The following ARHGAP5 variants were observed in gnomAD, a reference collection of about 807,000 sequenced individuals.
ARHGAP5 encodes the protein rho GTPase-activating protein 5.
ARHGAP5 carries 23 observed loss-of-function variants against 116.6 expected under a neutral mutation model. That is an observed-to-expected ratio of 0.20 (90% CI 0.14 to 0.28). The LOEUF is 0.28. Ranked by LOEUF, ARHGAP5 falls within the 10% of genes least tolerant of loss-of-function variation. The pLI, the probability that ARHGAP5 is intolerant of heterozygous loss-of-function variation, is 1.00. For missense variants in ARHGAP5, 1,405 were observed against 1,774.8 expected, an observed-to-expected ratio of 0.79 and a Z score of 3.74; for synonymous variants, 574 against 602.0, an observed-to-expected ratio of 0.95 and a Z score of 0.68.
rs569145329 is a variant in ARHGAP5, at chr14:32,102,688, A to G, written c.3717+8302A>G. The stretch of plus-strand genomic sequence containing the variant: ...TGCAGGCAAGATTTGTATCTTGTTT[A>G]TAGTTGATCTCCATGGCCTAGCACA... On this transcript the variant is annotated intron_variant, in intron 2 of 6. Coordinates refer to ENST00000345122, the MANE Select transcript of ARHGAP5 (RefSeq NM_001030055.2). 2.6e-5 allele frequency among the ~76,000 whole-genome samples: 4 copies of G among 152,370 alleles called. No homozygotes were observed. The South Asian group carries it at 6.2e-4, about 24-fold the overall frequency.
chr14:32,105,487 T>TAA (rs1566667191), intron 2 of ARHGAP5, among the ~76,000 whole-genome samples: 54 of 151,442 alleles, frequency 3.6e-4, no homozygotes, highest in African/African-American at 1.3e-3. Context: ...GTTTTTTTTT[T>TAA]TAAAAAAAAG....
chr14:32,146,338 A>T lies in ARHGAP5; in HGVS notation c.3941A>T (p.Gln1314Leu). Reference sequence around the variant, plus strand: ...GACAATATTCAAAAGCAGTTTGATCAAGGTAAGAAGATGATTATGTGAAAT... The same window carrying T: ...GACAATATTCAAAAGCAGTTTGATCTAGGTAAGAAGATGATTATGTGAAAT... ...DQDNIQKQFD[Q>L]DHNINLVSME... Residue 1314 changes from glutamine (Q) to leucine (L), a missense_variant and splice_region_variant, in exon 4 of 7, where the codon CAA becomes CTA. Around this residue, in one of 6 missense-constraint regions of ARHGAP5, gnomAD observed 176 missense variants for 221.2 expected, o/e 0.80. Coordinates refer to ENST00000345122, the MANE Select transcript of ARHGAP5 (RefSeq NM_001030055.2). 1 of 1,604,924 alleles carries T rather than the reference A, an allele frequency of 6.2e-7. No individual in the cohort carries two copies. Among genetic ancestry groups the T allele is most frequent in the Non-Finnish European group, 8.5e-7 (1 of 1,171,844 alleles).
intron 3 of ARHGAP5, among the ~76,000 whole-genome samples, chr14:32,131,026 T>C (rs1227620539): frequency 6.6e-6 from 1 of 152,164 alleles, no homozygotes; most frequent in African/African-American, 2.4e-5. Flanking sequence ...ACACTTCACC[T>C]CCAAGTCATT....
chr14:32,078,929 A>C (rs148050156), intron 1 of ARHGAP5, among the ~76,000 whole-genome samples: 1 of 152,204 alleles, frequency 6.6e-6, no homozygotes, highest in Admixed American at 6.5e-5. Context: ...GTAACCTACT[A>C]GATAGTTTCT....
In ARHGAP5 at chr14:32,092,303, A is replaced by G; in HGVS notation, c.1634A>G (p.His545Arg). Reference protein sequence around the residue: ...APDRESLLLKHIGFVYHPTKE... With the variant: ...APDRESLLLKRIGFVYHPTKE... ...GATAGGGAATCCCTTCTACTTAAGC[A>G]TATAGGATTTGTTTATCATCCCACT... The change falls in exon 2 of 7, where the codon CAT becomes CGT. Residue 545 changes from histidine (H) to arginine (R), a missense_variant. Physicochemically the swap from His to Arg is conservative, Grantham distance 29. This residue lies in a region of ARHGAP5 where 944 missense variants were observed against 1,095.3 expected (regional missense o/e 0.86). Transcript: ENST00000345122. This position sits in a 1 kb window ranked among gnomAD's most constrained non-coding sequence, Gnocchi z 4.1. 6.2e-7 allele frequency: 1 copy of G among 1,613,852 alleles called. No individual in the cohort carries two copies. The highest frequency in any genetic ancestry group is 1.1e-5 in the South Asian group (1 of 91,042).
chr14:32,083,221 A>G (rs1437479239), intron 1 of ARHGAP5, among the ~76,000 whole-genome samples: 2 of 152,228 alleles, frequency 1.3e-5, no homozygotes, highest in African/African-American at 2.4e-5. Context: ...CCTACTCTCT[A>G]TTTTTGTAAA....
rs753166700 is a variant in ARHGAP5 at position 32,092,447 on chromosome 14, T to G, written c.1778T>G (p.Ile593Arg). ...RLRLYHDSTN[I>R]DKVNLFILGK... ...AGATTATATCACGATAGTACCAATATAGATAAAGTTAACCTTTTTATTTTA... is the reference window on the plus strand; with the variant it reads ...AGATTATATCACGATAGTACCAATAGAGATAAAGTTAACCTTTTTATTTTA... The change falls in exon 2 of 7, where the codon ATA (isoleucine) becomes AGA (arginine). Residue 593 changes from isoleucine (I) to arginine (R), a missense_variant. Ile to Arg is a moderately conservative substitution (Grantham distance 97). Coordinates refer to ENST00000345122, the MANE Select transcript of ARHGAP5 (RefSeq NM_001030055.2). This position sits in a 1 kb window ranked among gnomAD's most constrained non-coding sequence, Gnocchi z 4.1. 2 of 1,613,842 alleles carry G rather than the reference T, an allele frequency of 1.2e-6. No homozygotes were observed. The highest frequency in any genetic ancestry group is 1.7e-5 in the Admixed American group (1 of 59,982).
Position 32,144,091 on chromosome 14 carries a change from G to A in ARHGAP5, c.3866-2172G>A, listed in dbSNP as rs868239680. Among the ~76,000 whole-genome samples the A allele has an allele frequency of 2.0e-5, 3 of 152,164 alleles. No homozygotes were observed. The South Asian group carries it at 6.2e-4, about 31-fold the overall frequency. On this transcript the variant is annotated intron_variant, in intron 3 of 6. Coordinates refer to ENST00000345122, the MANE Select transcript of ARHGAP5 (RefSeq NM_001030055.2). ...ATGACTTTTACTGAGTAGTAATAGAGCTATAGATAAAGTACTACAGGAGTG... is the reference window on the plus strand; with the variant it reads ...ATGACTTTTACTGAGTAGTAATAGAACTATAGATAAAGTACTACAGGAGTG...
Position 32,158,845 on chromosome 14 carries a change from C to T in ARHGAP5, c.*3897C>T, listed in dbSNP as rs1396075056. 6.6e-6 allele frequency: 1 copy of T among 152,056 alleles called. No individual in the cohort carries two copies. The highest frequency in any genetic ancestry group is 1.5e-5 in the Non-Finnish European group (1 of 67,912). The allele number at this position is 152,056 out of a possible 1,614,324, so 9.4% of individuals were successfully genotyped here. On this transcript the variant is annotated 3_prime_UTR_variant, in exon 7 of 7. Transcript: ENST00000345122. ...TACAAGCATTAATCTCATATTCCAA[C>T]ATCCAGTTACTTGATGTGATCCAAG...
intron 1 of ARHGAP5, among the ~76,000 whole-genome samples, chr14:32,085,112 C>T (rs1418793771): frequency 6.6e-6 from 1 of 152,100 alleles, no homozygotes; most frequent in African/African-American, 2.4e-5. Flanking sequence ...GATTTCTTCT[C>T]ACTTTTCACA....
rs1473221853 is a variant in ARHGAP5 at position 32,093,041 on chromosome 14, G to T, written c.2372G>T (p.Ser791Ile). The change falls in exon 2 of 7, where the codon AGT becomes ATT. Residue 791 changes from serine to isoleucine, a missense_variant. By Grantham distance (142) the Ser-to-Ile change is moderately radical. This residue lies in a region of ARHGAP5 where 944 missense variants were observed against 1,095.3 expected (regional missense o/e 0.86). Transcript: ENST00000345122. ...TGCGCCATGTGTGGAGATCCATTTAGTGTGGATCTTATTCTTTCACCCTTC... is the reference window on the plus strand; with the variant it reads ...TGCGCCATGTGTGGAGATCCATTTATTGTGGATCTTATTCTTTCACCCTTC... ...VMCAMCGDPF[S>I]VDLILSPFLD... 1 of 1,613,894 alleles carries T rather than the reference G, an allele frequency of 6.2e-7. No individual in the cohort carries two copies. The highest frequency in any genetic ancestry group is 1.7e-5 in the Admixed American group (1 of 59,984).
intron 2 of ARHGAP5, among the ~76,000 whole-genome samples, chr14:32,111,323 G>T (rs1210858383): frequency 1.3e-5 from 2 of 152,196 alleles, no homozygotes; most frequent in Non-Finnish European, 2.9e-5. Flanking sequence ...TTACAGTGTT[G>T]ATCAGGAGGG....
intron 3 of ARHGAP5, among the ~76,000 whole-genome samples, chr14:32,134,383 T>C (rs1352577879): frequency 3.3e-5 from 5 of 152,156 alleles, no homozygotes; most frequent in Non-Finnish European, 7.4e-5. Context: ...GAAAAGAAAA[T>C]ACTGCTTTTT....
chr14:32,127,604 CTCTT>C (rs1350229527), intron 3 of ARHGAP5, among the ~76,000 whole-genome samples: 1 of 151,404 alleles, frequency 6.6e-6, no homozygotes, highest in Non-Finnish European at 1.5e-5. Context: ...AATCTGATCT[CTCTT>C]TCTTTTCCCC....
In ARHGAP5 at chr14:32,091,297, A is replaced by G. The variant is rs769066712; in HGVS notation, c.628A>G (p.Arg210Gly). Residue 210 changes from arginine (R) to glycine (G), a missense_variant, in exon 2 of 7, where the codon AGA becomes GGA. Physicochemically the swap from Arg to Gly is moderately radical, Grantham distance 125. Around this residue, in one of 6 missense-constraint regions of ARHGAP5, gnomAD observed 190 missense variants for 314.9 expected, o/e 0.60. Coordinates refer to ENST00000345122, the MANE Select transcript of ARHGAP5 (RefSeq NM_001030055.2). ...KCDECVDHYL[R>G]EVQAFASNKK... ...TGATGAATGCGTGGATCATTATCTT[A>G]GAGAAGTTCAGGCATTTGCTTCAAA... The G allele has an allele frequency of 3.7e-6, 6 of 1,613,558 alleles. No individual in the cohort carries two copies. The South Asian group carries it at 6.6e-5, about 18-fold the overall frequency.
chr14:32,111,116 A>G (rs1879271181), intron 2 of ARHGAP5, among the ~76,000 whole-genome samples: 3 of 152,122 alleles, frequency 2.0e-5, no homozygotes, highest in South Asian at 2.1e-4. Flanking sequence ...AAAGAAGACA[A>G]TCAGAGCCTG....
At chr14:32,098,508 TGTG>T (rs1263057607) in intron 2 of ARHGAP5, among the ~76,000 whole-genome samples, 3 of 152,180 alleles carry the variant, frequency 2.0e-5, no homozygotes, top group Non-Finnish European at 4.4e-5. Context: ...AGGATGTACA[TGTG>T]GTGGGAGAGG....
At chr14:32,120,443 T>C (rs1879826396) in intron 3 of ARHGAP5, among the ~76,000 whole-genome samples, 1 of 151,550 alleles carries the variant, frequency 6.6e-6, no homozygotes. Context: ...TTGGTTTTTC[T>C]GAAGTTTCTT....
At chr14:32,111,962 G>A (rs1211466644) in intron 2 of ARHGAP5, among the ~76,000 whole-genome samples, 1 of 150,534 alleles carries the variant, frequency 6.6e-6, no homozygotes, top group African/African-American at 2.4e-5. Context: ...CAGACTACAG[G>A]CTCACGCCAC....
Sources: allele counts gnomAD v4.1 joint callset (sites outside exome capture counted in the v4.1 genomes callset), GRCh38; gene constraint gnomAD v4.1.1; regional missense constraint gnomAD v4.1.1; non-coding constraint Gnocchi (gnomAD v3.1); transcripts MANE v1.5; gene names NCBI Gene and HGNC (gene_info 2026-07-23, HGNC 2026-07-21).